Variants in FLT1 observed in about 807,000 individuals in gnomAD.
FLT1 encodes the protein fms related receptor tyrosine kinase 1, also known as vascular endothelial growth factor receptor 1.
In FLT1, 49 loss-of-function variants were observed where a neutral mutation model predicts 156.3. That is an observed-to-expected ratio of 0.31 (90% confidence interval 0.25 to 0.40). The LOEUF is 0.40. Ranked by LOEUF, FLT1 falls within the 10% of genes least tolerant of loss-of-function variation. The pLI is 1.00. For synonymous variants in FLT1, 594 were observed against 583.8 expected, an observed-to-expected ratio of 1.02 and a Z score of -0.25; for missense variants, 1,322 against 1,637.2, an observed-to-expected ratio of 0.81 and a Z score of 3.32.
intron 10 of FLT1, among the ~76,000 whole-genome samples, chr13:28,419,225 A>G (rs1876839732): frequency 6.6e-6 from 1 of 152,202 alleles, no homozygotes; most frequent in Admixed American, 6.5e-5. Flanking sequence ...TCAATCCAAC[A>G]GGTTCTGCTT....
chr13:28,466,904 A>C lies in FLT1; in HGVS notation c.387T>G (p.Ser129Arg), dbSNP rs961177356. ...ETESAIYIFI[S>R]DTGRPFVEMY... is the part of the protein sequence containing the mutation. ...GAATGTAGAAAATGGAAGTCTTACC[A>C]CTAATAAATATATAGATTGCAGATT... is the stretch of plus-strand genomic sequence containing the variant. Residue 129 changes from serine to arginine, a missense_variant and splice_region_variant, in exon 3 of 30, where the codon AGT becomes AGG. Physicochemically the swap from Ser to Arg is moderately radical, Grantham distance 110. Transcript: ENST00000282397. The C allele has an allele frequency of 1.3e-6, 2 of 1,587,210 alleles. No individual in the cohort carries two copies. The highest frequency in any genetic ancestry group is 1.7e-6 in the Non-Finnish European group (2 of 1,155,454).
At chr13:28,473,677 GAGA>G (rs1566050065) in intron 1 of FLT1, among the ~76,000 whole-genome samples, 3 of 143,480 alleles carry the variant, frequency 2.1e-5, no homozygotes, top group African/African-American at 7.7e-5. Context: ...AAGAAAGAGA[GAGA>G]GAGAGAGAGA....
At chr13:28,417,447 C>T (rs532250557) in intron 10 of FLT1, among the ~76,000 whole-genome samples, 1 of 152,254 alleles carries the variant, frequency 6.6e-6, no homozygotes, top group African/African-American at 2.4e-5. Context: ...CCATCTACCA[C>T]CCATGGTCGG....
At chr13:28,425,961 G>A (rs1484289982) in intron 10 of FLT1, among the ~76,000 whole-genome samples, 1 of 152,046 alleles carries the variant, frequency 6.6e-6, no homozygotes, top group Non-Finnish European at 1.5e-5. Flanking sequence ...TCAGATGTGT[G>A]GAAAACAGCT....
In FLT1 at chr13:28,300,649, TG is replaced by T; in HGVS notation, c.*2517del. ...TATCTGTTTGATGTTTGCATTCTTG[TG>T]GGCTAGGAAACAAGGCACGGGTCCC... On this transcript the variant is annotated 3_prime_UTR_variant, in exon 30 of 30. Transcript: ENST00000282397. 2 of 232,874 alleles carry T rather than the reference TG, an allele frequency of 8.6e-6. No individual in the cohort carries two copies. Among genetic ancestry groups the T allele is most frequent in the Admixed American group, 1.1e-4 (2 of 17,744 alleles). 14.4% of individuals were successfully genotyped at this position (232,874 alleles called of 1,614,324 possible).
chr13:28,387,310 T>C (rs1874421006), intron 13 of FLT1: 2 of 1,045,734 alleles, frequency 1.9e-6, no homozygotes, highest in African/African-American at 3.3e-5. Flanking sequence ...AGTTTCTAAA[T>C]GACCAATCAA....
chr13:28,464,209 T>C (rs973460654), intron 3 of FLT1, among the ~76,000 whole-genome samples: 1 of 152,240 alleles, frequency 6.6e-6, no homozygotes, highest in African/African-American at 2.4e-5. Context: ...ATCTATGAAA[T>C]ACAACGCATT....
At chr13:28,383,309 A>G (rs1368159841) in intron 14 of FLT1, among the ~76,000 whole-genome samples, 1 of 152,214 alleles carries the variant, frequency 6.6e-6, no homozygotes, top group African/African-American at 2.4e-5. Context: ...AGAACTTTTC[A>G]CGCACCAAGT....
At chr13:28,444,194 C>A (rs759618042) in intron 3 of FLT1, among the ~76,000 whole-genome samples, 3 of 152,176 alleles carry the variant, frequency 2.0e-5, no homozygotes, top group African/African-American at 4.8e-5. Context: ...GTAATCCCAG[C>A]ACTTTGGGAG....
rs1286911951 is a variant in FLT1 at position 28,495,032 on chromosome 13, C to T, written c.-189G>A. 5.9e-5 allele frequency: 29 copies of T among 494,746 alleles called. No individual in the cohort carries two copies. Among genetic ancestry groups the T allele is most frequent in the Non-Finnish European group, 9.4e-5 (27 of 288,394 alleles). 30.6% of individuals were successfully genotyped at this position (494,746 alleles called of 1,614,324 possible). ...GCCAGGCGCCCGCTGGCCGCTGCAC[C>T]CGAGCCCCGGAGCCCGCTCCGAGCC... On this transcript the variant is annotated 5_prime_UTR_variant, in exon 1 of 30. Coordinates refer to ENST00000282397, the MANE Select transcript of FLT1 (RefSeq NM_002019.4). The surrounding 1 kb of genome is among the most constrained non-coding windows in gnomAD (Gnocchi z 4.1).
intron 14 of FLT1, among the ~76,000 whole-genome samples, chr13:28,375,586 G>C (rs1873806537): frequency 1.3e-5 from 2 of 152,200 alleles, no homozygotes; most frequent in Admixed American, 1.3e-4. Context: ...ACTGAGCCTT[G>C]ATTCTGCAAC....
Position 28,301,696 on chromosome 13 carries a change from C to A in FLT1, c.*1471G>T. The A allele has an allele frequency of 4.3e-6, 1 of 233,104 alleles. No individual in the cohort carries two copies. Among genetic ancestry groups the A allele is most frequent in the East Asian group, 6.1e-5 (1 of 16,498 alleles). The allele number at this position is 233,104 out of a possible 1,614,324, so 14.4% of individuals were successfully genotyped here. On this transcript the variant is annotated 3_prime_UTR_variant, in exon 30 of 30. Coordinates refer to ENST00000282397, the MANE Select transcript of FLT1 (RefSeq NM_002019.4). ...CTTGCATAAATAGCATCAAACAGAGCCAGCTTAGCGATCCAAGGCCCACTT... is the reference window on the plus strand; with the variant it reads ...CTTGCATAAATAGCATCAAACAGAGACAGCTTAGCGATCCAAGGCCCACTT...
intron 14 of FLT1, among the ~76,000 whole-genome samples, chr13:28,372,841 C>T (rs1873681458): frequency 6.6e-6 from 1 of 151,304 alleles, no homozygotes; most frequent in Non-Finnish European, 1.5e-5. Flanking sequence ...GAGATCATGC[C>T]ACTGCACTCC....
At chr13:28,370,849 G>A (rs1049558972) in intron 14 of FLT1, among the ~76,000 whole-genome samples, 1 of 152,132 alleles carries the variant, frequency 6.6e-6, no homozygotes, top group Non-Finnish European at 1.5e-5. Context: ...CATTAGTCCC[G>A]AAGAAGATGG....
intron 3 of FLT1, among the ~76,000 whole-genome samples, chr13:28,440,432 C>T (rs1878272610): frequency 6.6e-6 from 1 of 152,212 alleles, no homozygotes; most frequent in South Asian, 2.1e-4. Flanking sequence ...AAGGCTGAAC[C>T]TCTGGCTACG....
At chr13:28,472,157 T>C (rs1281703870) in intron 1 of FLT1, among the ~76,000 whole-genome samples, 3 of 152,242 alleles carry the variant, frequency 2.0e-5, no homozygotes. Flanking sequence ...TCGCACATGC[T>C]AGACCTCACA....
intron 15 of FLT1, among the ~76,000 whole-genome samples, chr13:28,349,112 G>A (rs2138863220): frequency 6.6e-6 from 1 of 152,270 alleles, no homozygotes; most frequent in African/African-American, 2.4e-5. Flanking sequence ...GAGTGAAGCA[G>A]CAGAACGTAG....
At chr13:28,381,272 G>T (rs963635355) in intron 14 of FLT1, among the ~76,000 whole-genome samples, 1 of 152,146 alleles carries the variant, frequency 6.6e-6, no homozygotes, top group Non-Finnish European at 1.5e-5. Context: ...ACTTAGCACA[G>T]TTGGCCCTGT....
chr13:28,460,511 C>T (rs866809738), intron 3 of FLT1, among the ~76,000 whole-genome samples: 3 of 152,128 alleles, frequency 2.0e-5, no homozygotes, highest in African/African-American at 4.8e-5. Context: ...GCCAAGCCTC[C>T]GAGTGGGAAA....
Sources: allele counts gnomAD v4.1 joint callset (sites outside exome capture counted in the v4.1 genomes callset), GRCh38; gene constraint gnomAD v4.1.1; non-coding constraint Gnocchi (gnomAD v3.1); transcripts MANE v1.5; gene names NCBI Gene and HGNC (gene_info 2026-07-23, HGNC 2026-07-21).